The following CPNE4 variants were observed in gnomAD, a reference collection of about 807,000 sequenced individuals.
CPNE4 encodes the protein copine-4.
In CPNE4, 25 loss-of-function variants were observed where a neutral mutation model predicts 67.9. The ratio of observed to expected loss-of-function variants is 0.37; its 90% CI spans 0.27 to 0.51. The LOEUF (loss-of-function observed/expected upper bound fraction) is 0.51, where lower values mean the gene tolerates loss of function less well. Ranked by LOEUF, CPNE4 falls within the 20% of genes least tolerant of loss-of-function variation. CPNE4 has a pLI of 0.93. For synonymous variants in CPNE4, 242 were observed against 244.9 expected, an observed-to-expected ratio of 0.99 and a Z score of 0.11; for missense variants, 464 against 690.8, an observed-to-expected ratio of 0.67 and a Z score of 3.68.
At chr3:131,818,432 A>C (rs2084832483) in intron 2 of CPNE4, among the ~76,000 whole-genome samples, 1 of 152,188 alleles carries the variant, frequency 6.6e-6, no homozygotes, top group Admixed American at 6.5e-5. Flanking sequence ...TCTGTTCAAA[A>C]GGTATAGGAT....
At chr3:131,660,785 C>T (rs1038414355) in intron 7 of CPNE4, among the ~76,000 whole-genome samples, 1 of 152,248 alleles carries the variant, frequency 6.6e-6, no homozygotes, top group African/African-American at 2.4e-5. Flanking sequence ...AATCTGTTTC[C>T]TTCTATTTCT....
chr3:132,023,234 C>T (rs148695635), intron 1 of CPNE4, among the ~76,000 whole-genome samples: 1 of 152,290 alleles, frequency 6.6e-6, no homozygotes, highest in East Asian at 1.9e-4. Flanking sequence ...TTTAATGAGG[C>T]AGCAGAAGTG....
intron 2 of CPNE4, among the ~76,000 whole-genome samples, chr3:131,726,867 T>C (rs2082013369): frequency 6.6e-6 from 1 of 152,112 alleles, no homozygotes; most frequent in Non-Finnish European, 1.5e-5. Context: ...CTAGGGGAAA[T>C]GAGGAGATGT....
chr3:131,924,671 G>A (rs182283200), intron 1 of CPNE4, among the ~76,000 whole-genome samples: 252 of 152,220 alleles, frequency 1.7e-3, no homozygotes, highest in African/African-American at 5.9e-3. Flanking sequence ...TAGTATAGAG[G>A]TGTGTCTAGA....
intron 1 of CPNE4, among the ~76,000 whole-genome samples, chr3:132,029,375 T>A (rs2074189315): frequency 6.6e-6 from 1 of 151,990 alleles, no homozygotes; most frequent in Non-Finnish European, 1.5e-5. Context: ...AAAACCAATA[T>A]CCCCAGGGCA....
chr3:131,907,559 C>T (rs192458168), intron 1 of CPNE4, among the ~76,000 whole-genome samples: 1 of 152,026 alleles, frequency 6.6e-6, no homozygotes, highest in African/African-American at 2.4e-5. Context: ...CACAGGCATG[C>T]TTATTCATTT....
intron 7 of CPNE4, among the ~76,000 whole-genome samples, chr3:131,667,486 G>A (rs557427679): frequency 1.3e-5 from 2 of 151,886 alleles, no homozygotes; most frequent in South Asian, 2.1e-4. Flanking sequence ...AATGCTACTG[G>A]CATCTAGTAG....
intron 1 of CPNE4, among the ~76,000 whole-genome samples, chr3:131,911,152 G>C (rs2088957839): frequency 6.6e-6 from 1 of 152,114 alleles, no homozygotes; most frequent in Non-Finnish European, 1.5e-5. Flanking sequence ...ACACCATCTT[G>C]ATAAGAGACT....
At chr3:131,620,196 A>G (rs1940388056) in intron 7 of CPNE4, among the ~76,000 whole-genome samples, 1 of 152,202 alleles carries the variant, frequency 6.6e-6, no homozygotes, top group African/African-American at 2.4e-5. Context: ...GAAATGTAAA[A>G]GGTTTCTGGG....
chr3:131,912,704 G>A (rs960286369), intron 1 of CPNE4, among the ~76,000 whole-genome samples: 1 of 152,118 alleles, frequency 6.6e-6, no homozygotes, highest in African/African-American at 2.4e-5. Context: ...GCACTGTGCT[G>A]GACACTGTAA....
At chr3:131,704,177 A>G (rs1232967101) in intron 3 of CPNE4, among the ~76,000 whole-genome samples, 4 of 152,164 alleles carry the variant, frequency 2.6e-5, no homozygotes, top group Non-Finnish European at 5.9e-5. Context: ...GTAGCAGGCA[A>G]GGAAAAACTG....
intron 2 of CPNE4, among the ~76,000 whole-genome samples, chr3:131,817,793 T>C (rs2084802808): frequency 6.6e-6 from 1 of 152,216 alleles, no homozygotes; most frequent in South Asian, 2.1e-4. Flanking sequence ...TTCTCTTGAA[T>C]GACTGAAAAG....
At chr3:131,978,257 ATATTTATATATAT>A (rs2072754352) in intron 1 of CPNE4, among the ~76,000 whole-genome samples, 1 of 9,054 alleles carries the variant, frequency 1.1e-4, no homozygotes, top group Non-Finnish European at 1.6e-4. Flanking sequence ...ATAAATATAT[ATATTTATATATAT>A]TTTATATATA....
chr3:132,038,042 G>A (rs2107711670), upstream of CPNE4: 1 of 146,592 alleles, frequency 6.8e-6, no homozygotes, highest in Middle Eastern at 3.5e-3. Context: ...AAAGGAAACT[G>A]TTGTAAATAA....
intron 3 of CPNE4, among the ~76,000 whole-genome samples, chr3:131,708,076 G>A (rs909753842): frequency 1.3e-4 from 7 of 53,912 alleles, no homozygotes; most frequent in African/African-American, 5.2e-4. Context: ...GATAATTATA[G>A]TCACCTATTG....
chr3:131,752,099 CA>C (rs2082643776), intron 2 of CPNE4, among the ~76,000 whole-genome samples: 2 of 152,282 alleles, frequency 1.3e-5, no homozygotes, highest in Admixed American at 6.5e-5. Context: ...TGAAAGCCCA[CA>C]TTTACCATGT....
At chr3:131,699,887 T>A in intron 4 of CPNE4, 22 bp downstream of exon 4, 1 of 1,605,996 alleles carries the variant, frequency 6.2e-7, no homozygotes, top group Non-Finnish European at 8.5e-7. Context: ...GGCAGACAGC[T>A]GCTTAGGGAG....
intron 1 of CPNE4, among the ~76,000 whole-genome samples, chr3:131,952,940 A>T (rs142674380): frequency 0.14 from 20,997 of 151,752 alleles, 1,483 homozygotes; most frequent in African/African-American, 0.18. Flanking sequence ...CTGTGACCTT[A>T]CCCCCAACCC....
chr3:131,735,596 A>T (rs956944472), intron 2 of CPNE4, among the ~76,000 whole-genome samples: 9 of 152,248 alleles, frequency 5.9e-5, no homozygotes, highest in African/African-American at 2.2e-4. Context: ...CTCTGTCATG[A>T]AATACATATA....
Sources: gnomAD v4.1 joint callset for allele counts (sites outside exome capture counted in the v4.1 genomes callset) on GRCh38, gnomAD v4.1.1 for gene constraint, MANE v1.5 for transcripts, NCBI Gene and HGNC (gene_info 2026-07-23, HGNC 2026-07-21) for gene names.